IGSF10: variants seen among roughly 807,000 people sequenced by gnomAD.
The protein encoded by IGSF10 is calvaria mechanical force protein 608.
Under a neutral mutation model 128.2 loss-of-function variants are expected in IGSF10, and 126 were observed. The observed-to-expected ratio is 0.98, with a 90% CI of 0.85 to 1.14. The LOEUF is 1.14. IGSF10 is among the 50% of genes most tolerant of loss of function. The probability of loss-of-function intolerance (pLI) is 0.00; values close to 1 mark genes in which losing one functional copy is unlikely to be tolerated. For missense variants in IGSF10, 3,295 were observed against 3,149.8 expected (o/e 1.05, Z -1.10); for synonymous variants, 1,185 against 1,146.2 (o/e 1.03, Z -0.68).
chr3:151,530,571 AAAG>A, the IGSF10 span, among the ~76,000 whole-genome samples: 2 of 152,216 alleles, frequency 1.3e-5, no homozygotes, highest in Non-Finnish European at 2.9e-5. Context: ...CAACGTTCTT[AAAG>A]AAGAGAATTT....
chr3:151,532,420 A>T, the IGSF10 span, among the ~76,000 whole-genome samples: 8 of 152,226 alleles, frequency 5.3e-5, no homozygotes, highest in Non-Finnish European at 1.2e-4. Flanking sequence ...TTGATGTAAA[A>T]ATCCTCAATA....
chr3:151,443,896 A>T lies in IGSF10; in HGVS notation c.5063-12T>A. On this transcript the variant is annotated splice_polypyrimidine_tract_variant and intron_variant, in intron 6 of 7. Coordinates refer to ENST00000282466, the MANE Select transcript of IGSF10 (RefSeq NM_178822.5). The stretch of plus-strand genomic sequence containing the variant: ...AGATAAATCAAGTCCTGAGAAGAAA[A>T]AAAGAAAATTATTGCTACGGGTCAT... 6.4e-7 allele frequency: 1 copy of T among 1,559,544 alleles called. No homozygotes were observed. The highest frequency in any genetic ancestry group is 8.7e-7 in the Non-Finnish European group (1 of 1,152,370).
the IGSF10 span, among the ~76,000 whole-genome samples, chr3:151,527,246 C>T: frequency 6.6e-6 from 1 of 152,148 alleles, no homozygotes; most frequent in Non-Finnish European, 1.5e-5. Flanking sequence ...ACCTAATAGG[C>T]CCATACCACA....
At chr3:151,485,111 C>A in the IGSF10 span, among the ~76,000 whole-genome samples, 1 of 152,048 alleles carries the variant, frequency 6.6e-6, no homozygotes, top group African/African-American at 2.4e-5. Context: ...ACATAAATGA[C>A]CTGATGGAGC....
the IGSF10 span, among the ~76,000 whole-genome samples, chr3:151,531,397 A>T: frequency 6.6e-6 from 1 of 152,212 alleles, no homozygotes; most frequent in African/African-American, 2.4e-5. Flanking sequence ...TCTCAGCACC[A>T]CATCACCCTT....
chr3:151,610,568 G>A, the IGSF10 span, among the ~76,000 whole-genome samples: 1 of 152,132 alleles, frequency 6.6e-6, no homozygotes, highest in Non-Finnish European at 1.5e-5. Context: ...CTCAGATGAA[G>A]GTGTGTGCAA....
chr3:151,559,326 C>T, the IGSF10 span, among the ~76,000 whole-genome samples: 6 of 152,140 alleles, frequency 3.9e-5, no homozygotes, highest in African/African-American at 1.2e-4. Context: ...TCTGGCTTCA[C>T]ATGCACAGTG....
At chr3:151,590,714 G>A in the IGSF10 span, among the ~76,000 whole-genome samples, 1 of 152,170 alleles carries the variant, frequency 6.6e-6, no homozygotes, top group Admixed American at 6.5e-5. Flanking sequence ...TAGATGTGTA[G>A]AAAAGAAACT....
At chr3:151,435,062 C>CTTTTTTTTTTTTTTTTTTTTTTTTTT (rs66791814), downstream of IGSF10, 2 of 119,082 alleles carry the variant, frequency 1.7e-5, no homozygotes, top group Non-Finnish European at 1.7e-5. Context: ...TGAGAGGTTT[C>CTTTTTTTTTTTTTTTTTTTTTTTTTT]TTTTTTTTTT....
chr3:151,590,133 G>T, the IGSF10 span, among the ~76,000 whole-genome samples: 1 of 151,826 alleles, frequency 6.6e-6, no homozygotes, highest in Non-Finnish European at 1.5e-5. Context: ...CTATCTTCTG[G>T]GCTCAAGTGA....
the IGSF10 span, among the ~76,000 whole-genome samples, chr3:151,474,983 A>AG: frequency 6.6e-6 from 1 of 152,248 alleles, no homozygotes; most frequent in South Asian, 2.1e-4. Flanking sequence ...GATGAGATTT[A>AG]GGTGGGGACA....
At chr3:151,524,218 T>C in the IGSF10 span, among the ~76,000 whole-genome samples, 1 of 152,140 alleles carries the variant, frequency 6.6e-6, no homozygotes, top group Non-Finnish European at 1.5e-5. Context: ...GAAAGAAGCA[T>C]AGTGATTCCT....
the IGSF10 span, among the ~76,000 whole-genome samples, chr3:151,497,745 T>C: frequency 5.9e-5 from 9 of 152,186 alleles, no homozygotes; most frequent in African/African-American, 1.9e-4. Context: ...GGGATGGCAT[T>C]GAATCTATGA....
At chr3:151,466,120 G>GT in the IGSF10 span, among the ~76,000 whole-genome samples, 2 of 151,966 alleles carry the variant, frequency 1.3e-5, no homozygotes, top group South Asian at 2.1e-4. Flanking sequence ...TTCATGAATC[G>GT]TTTTTTTCCT....
At chr3:151,590,294 C>G in the IGSF10 span, among the ~76,000 whole-genome samples, 4 of 152,090 alleles carry the variant, frequency 2.6e-5, no homozygotes, top group Non-Finnish European at 4.4e-5. Flanking sequence ...TCTGCCTTAG[C>G]CTTCCAAAGT....
chr3:151,501,303 C>T, the IGSF10 span, among the ~76,000 whole-genome samples: 1,820 of 152,088 alleles, frequency 0.012, 93 homozygotes, highest in East Asian at 0.17. Flanking sequence ...CATTCAAGAG[C>T]TGGAACAAGT....
the IGSF10 span, among the ~76,000 whole-genome samples, chr3:151,543,344 C>T: frequency 6.6e-5 from 10 of 152,152 alleles, no homozygotes; most frequent in African/African-American, 2.4e-4. Context: ...CCCACATTAG[C>T]TCTCTTACAC....
At chr3:151,609,518 G>T in the IGSF10 span, among the ~76,000 whole-genome samples, 3 of 150,910 alleles carry the variant, frequency 2.0e-5, no homozygotes, top group South Asian at 6.3e-4. Flanking sequence ...AAAGCCAATT[G>T]TTCCACAAAA....
At chr3:151,507,698 A>T in the IGSF10 span, among the ~76,000 whole-genome samples, 2 of 152,164 alleles carry the variant, frequency 1.3e-5, no homozygotes, top group Admixed American at 6.5e-5. Context: ...CTATCATAAG[A>T]ACAGCATGAG....
Sources: allele counts gnomAD v4.1 joint callset (sites outside exome capture counted in the v4.1 genomes callset), GRCh38; gene constraint gnomAD v4.1.1; transcripts MANE v1.5; gene names NCBI Gene and HGNC (gene_info 2026-07-23, HGNC 2026-07-21).